The following TLK1 variants were observed in gnomAD, a reference collection of about 807,000 sequenced individuals.
TLK1 encodes the protein tousled like kinase 1.
TLK1 carries 24 observed loss-of-function variants against 105.3 expected under a neutral mutation model. The ratio of observed to expected loss-of-function variants is 0.23; its 90% CI spans 0.17 to 0.32. TLK1 has a LOEUF of 0.32. Ranked by LOEUF, TLK1 falls within the 10% of genes least tolerant of loss-of-function variation. The pLI is 1.00. For synonymous variants in TLK1, 321 were observed against 310.4 expected, an observed-to-expected ratio of 1.03 and a Z score of -0.36; for missense variants, 558 against 910.5, an observed-to-expected ratio of 0.61 and a Z score of 4.98.
At chr2:171,106,650 G>T (rs542980211) in intron 2 of TLK1, among the ~76,000 whole-genome samples, 1 of 152,072 alleles carries the variant, frequency 6.6e-6, no homozygotes, top group African/African-American at 2.4e-5. Flanking sequence ...CTAGAGCACC[G>T]TTGCTACCAG....
chr2:171,211,949 G>A (rs992451217), intron 1 of TLK1, among the ~76,000 whole-genome samples: 1 of 151,640 alleles, frequency 6.6e-6, no homozygotes, highest in African/African-American at 2.4e-5. Context: ...GGGTTCAAGC[G>A]ATTCTCCTGC....
At chr2:171,135,050 A>G (rs1691250495) in intron 1 of TLK1, among the ~76,000 whole-genome samples, 1 of 152,206 alleles carries the variant, frequency 6.6e-6, no homozygotes, top group Non-Finnish European at 1.5e-5. Context: ...ACACAAAAGC[A>G]GAAAGAATAG....
At chr2:171,106,515 G>A (rs1159197552) in intron 2 of TLK1, among the ~76,000 whole-genome samples, 1 of 152,092 alleles carries the variant, frequency 6.6e-6, no homozygotes, top group Non-Finnish European at 1.5e-5. Flanking sequence ...AATGAAGGTT[G>A]TATGTACAGT....
chr2:171,223,598 G>A (rs1693847016), intron 1 of TLK1, among the ~76,000 whole-genome samples: 1 of 150,394 alleles, frequency 6.6e-6, no homozygotes, highest in African/African-American at 2.5e-5. Context: ...TCCTGCCTCA[G>A]CCTCCTGAGT....
chr2:171,008,388 A>C (rs1344943313), intron 14 of TLK1, among the ~76,000 whole-genome samples: 1 of 152,222 alleles, frequency 6.6e-6, no homozygotes, highest in East Asian at 1.9e-4. Context: ...ACTGAGAAGA[A>C]TAAAAATAAA....
intron 3 of TLK1, among the ~76,000 whole-genome samples, chr2:171,075,692 GAAAT>G (rs1430966400): frequency 1.3e-5 from 2 of 152,064 alleles, no homozygotes; most frequent in Non-Finnish European, 2.9e-5. Context: ...ACTTCAGTAA[GAAAT>G]AAATAAAGCA....
intron 1 of TLK1, among the ~76,000 whole-genome samples, chr2:171,139,610 A>C (rs1422321477): frequency 1.3e-5 from 2 of 151,818 alleles, no homozygotes; most frequent in Non-Finnish European, 2.9e-5. Context: ...AAACAAACAA[A>C]CAACAACAAC....
At chr2:171,163,455 T>G (rs1479381097), upstream of TLK1, among the ~76,000 whole-genome samples, 1 of 152,192 alleles carries the variant, frequency 6.6e-6, no homozygotes, top group Non-Finnish European at 1.5e-5. Context: ...AGAGTAAGCT[T>G]AGTCAGCAGA....
intron 3 of TLK1, 69 bp downstream of exon 3, chr2:171,082,710 CAA>C: frequency 1.6e-6 from 2 of 1,237,452 alleles, no homozygotes; most frequent in Non-Finnish European, 2.3e-6. Flanking sequence ...GATGAAGAAA[CAA>C]AATACTAATT....
intron 13 of TLK1, among the ~76,000 whole-genome samples, chr2:171,012,456 A>C (rs1684963497): frequency 6.6e-6 from 1 of 152,190 alleles, no homozygotes; most frequent in African/African-American, 2.4e-5. Flanking sequence ...CAGCTTTGCA[A>C]TACTAATACA....
At chr2:171,145,804 G>A (rs1353428222) in intron 1 of TLK1, among the ~76,000 whole-genome samples, 1 of 152,044 alleles carries the variant, frequency 6.6e-6, no homozygotes, top group African/African-American at 2.4e-5. Context: ...AATATGTGGG[G>A]CAAAAATATC....
At chr2:171,190,702 C>T (rs1693129587) in intron 1 of TLK1, among the ~76,000 whole-genome samples, 1 of 152,026 alleles carries the variant, frequency 6.6e-6, no homozygotes, top group Admixed American at 6.6e-5. Flanking sequence ...AAGAGGCAAA[C>T]AAAAAGCGTG....
At chr2:171,163,283 A>G (rs567066772), upstream of TLK1, among the ~76,000 whole-genome samples, 1 of 152,346 alleles carries the variant, frequency 6.6e-6, no homozygotes, top group African/African-American at 2.4e-5. Flanking sequence ...GCTGCTAAGA[A>G]CATTCATGTA....
chr2:171,211,407 C>T (rs1693610093), intron 1 of TLK1, among the ~76,000 whole-genome samples: 1 of 152,176 alleles, frequency 6.6e-6, no homozygotes, highest in Non-Finnish European at 1.5e-5. Flanking sequence ...AGATGCATGG[C>T]TTACCCTATA....
intron 6 of TLK1, among the ~76,000 whole-genome samples, chr2:171,055,507 A>G (rs1332896621): frequency 6.6e-6 from 1 of 152,018 alleles, no homozygotes; most frequent in East Asian, 1.9e-4. Context: ...GAAAAATATT[A>G]AACAATGATT....
intron 14 of TLK1, among the ~76,000 whole-genome samples, chr2:171,008,320 G>A (rs1684739027): frequency 6.6e-6 from 1 of 152,096 alleles, no homozygotes; most frequent in Non-Finnish European, 1.5e-5. Context: ...ATAATACATG[G>A]TACGGCCAAG....
intron 1 of TLK1, among the ~76,000 whole-genome samples, chr2:171,132,048 A>G (rs1691124762): frequency 6.6e-6 from 1 of 152,184 alleles, no homozygotes; most frequent in African/African-American, 2.4e-5. Context: ...TTTCTTTACC[A>G]TTGTATTCGT....
In TLK1 at chr2:170,993,899, G is replaced by A. The variant is rs201255481; in HGVS notation, c.2182C>T (p.Leu728=). ...RKEDRFDVHQ[L]ANDPYLLPHM... is the part of the protein sequence containing the mutation. ...GGGAGAAGGTATGGGTCATTTGCCA[G>A]CTGGTGCACATCAAATCGATCTTCT... Residue 728 remains leucine (L), a synonymous_variant, in exon 21 of 21, where the codon CTG becomes TTG. Coordinates refer to ENST00000431350, the MANE Select transcript of TLK1 (RefSeq NM_012290.5). 1.2e-6 allele frequency: 2 copies of A among 1,612,222 alleles called. No homozygotes were observed. Among genetic ancestry groups the A allele is most frequent in the East Asian group, 2.2e-5 (1 of 44,750 alleles).
rs1252678865 is a variant in TLK1 at position 171,160,346 on chromosome 2, G to C, written c.83C>G (p.Ala28Gly). ...ATTCAGCAGGGACCTGGCCGCCGCC[G>C]CCGAGCCCGGGGTTGGAGACGTGGA... ...QLSTSPTPGS[A>G]AAARSLLNHT... Residue 28 changes from alanine to glycine, a missense_variant, in exon 1 of 21, where the codon GCG (alanine) becomes GGG (glycine). This residue lies in a region of TLK1 where 104 missense variants were observed against 116.0 expected (regional missense o/e 0.90). Transcript: ENST00000431350. This position sits in a 1 kb window ranked among gnomAD's most constrained non-coding sequence, Gnocchi z 4.4. The C allele has an allele frequency of 3.1e-6, 5 of 1,604,084 alleles. No individual in the cohort carries two copies. The highest frequency in any genetic ancestry group is 4.3e-6 in the Non-Finnish European group (5 of 1,176,048).
Sources: allele counts gnomAD v4.1 joint callset (sites outside exome capture counted in the v4.1 genomes callset), GRCh38; gene constraint gnomAD v4.1.1; regional missense constraint gnomAD v4.1.1; non-coding constraint Gnocchi (gnomAD v3.1); transcripts MANE v1.5; gene names NCBI Gene and HGNC (gene_info 2026-07-23, HGNC 2026-07-21).